PRH1: variants seen among roughly 807,000 people sequenced by gnomAD.
The protein encoded by PRH1 is salivary acidic proline-rich phosphoprotein 1/2.
In PRH1, 7 loss-of-function variants were observed where a neutral mutation model predicts 7.9. The observed-to-expected ratio is 0.89, with a 90% confidence interval of 0.50 to 1.67. PRH1 has a LOEUF of 1.67. PRH1 is among the 40% of genes most tolerant of loss of function. The probability of loss-of-function intolerance (pLI) is 0.00; values close to 1 mark genes in which losing one functional copy is unlikely to be tolerated. For synonymous variants in PRH1, 45 were observed against 80.8 expected (o/e 0.56, Z 2.38); for missense variants, 109 against 223.6 (o/e 0.49, Z 3.27).
chr12:11,059,984 C>A (rs1048421435), intron 1 of PRH1, among the ~76,000 whole-genome samples: 25 of 151,724 alleles, frequency 1.6e-4, no homozygotes, highest in African/African-American at 5.3e-4. Flanking sequence ...ATCTTACATT[C>A]AACAGAAAGC....
At chr12:10,997,858 G>T in intron 1 of PRH1, 2 of 1,600,524 alleles carry the variant, frequency 1.2e-6, no homozygotes, top group Non-Finnish European at 1.7e-6. Flanking sequence ...AAAAAACAAT[G>T]TGTAGAAAAC....
chr12:11,103,644 A>T (rs1471616051), intron 1 of PRH1, among the ~76,000 whole-genome samples: 1 of 152,158 alleles, frequency 6.6e-6, no homozygotes, highest in Non-Finnish European at 1.5e-5. Flanking sequence ...ATATGTAACA[A>T]ACCTGCACAT....
chr12:11,075,381 CTT>C (rs201938175), intron 1 of PRH1, among the ~76,000 whole-genome samples: 2,388 of 104,334 alleles, frequency 0.023, 559 homozygotes, highest in South Asian at 0.038. Context: ...AGTTTGCTAG[CTT>C]TTTTTTTTTT....
chr12:11,101,339 A>C (rs1387105275), intron 1 of PRH1, among the ~76,000 whole-genome samples: 3 of 152,150 alleles, frequency 2.0e-5, no homozygotes, highest in East Asian at 1.9e-4. Flanking sequence ...AAATAGAAAA[A>C]ATTAGCAGGG....
At chr12:11,061,583 A>G (rs377226761) in intron 1 of PRH1, 1,120 of 1,575,572 alleles carry the variant, frequency 7.1e-4, no homozygotes, top group African/African-American at 4.0e-3. Context: ...TAAATGGCAC[A>G]TAACAAGAGG....
intron 1 of PRH1, among the ~76,000 whole-genome samples, chr12:11,102,347 A>G (rs1173515199): frequency 6.6e-6 from 1 of 152,192 alleles, no homozygotes; most frequent in Non-Finnish European, 1.5e-5. Flanking sequence ...AAACAGAGAT[A>G]TAGACCAATG....
chr12:10,886,813 C>T (rs960026297), upstream of PRH1, among the ~76,000 whole-genome samples: 5 of 152,138 alleles, frequency 3.3e-5, no homozygotes, highest in African/African-American at 7.2e-5. Context: ...ATGCATTAGC[C>T]GATCTAATTG....
chr12:10,903,203 A>C (rs1239870598), intron 2 of PRH1, among the ~76,000 whole-genome samples: 1 of 150,746 alleles, frequency 6.6e-6, no homozygotes, highest in African/African-American at 2.5e-5. Context: ...AGAAAGAATC[A>C]CTATTCCTAT....
chr12:11,028,318 T>C (rs1308554449), intron 1 of PRH1, among the ~76,000 whole-genome samples: 1 of 152,230 alleles, frequency 6.6e-6, no homozygotes, highest in Non-Finnish European at 1.5e-5. Flanking sequence ...TAATGCCAGC[T>C]GTGGTTTCCC....
chr12:11,049,608 T>C (rs1321335244), upstream of PRH1, among the ~76,000 whole-genome samples: 1 of 152,206 alleles, frequency 6.6e-6, no homozygotes, highest in African/African-American at 2.4e-5. Flanking sequence ...TTTTAATTGT[T>C]TTGCAATTGT....
chr12:11,065,844 A>T (rs1943785325), intron 1 of PRH1, among the ~76,000 whole-genome samples: 2 of 152,204 alleles, frequency 1.3e-5, no homozygotes, highest in South Asian at 2.1e-4. Flanking sequence ...AAGAAACTGG[A>T]AATTGATTTG....
chr12:10,882,761 C>T (rs1949426783), intron 2 of PRH1, 63 bp from the exon 3 acceptor site: 1 of 1,595,494 alleles, frequency 6.3e-7, no homozygotes, highest in Admixed American at 1.7e-5. Context: ...CTTCATACCT[C>T]TCTGTCTTCA....
intron 1 of PRH1, among the ~76,000 whole-genome samples, chr12:11,146,341 GGCAATATTT>G (rs1343871832): frequency 9.2e-5 from 14 of 151,828 alleles, no homozygotes; most frequent in Non-Finnish European, 2.1e-4. Flanking sequence ...GAAAAAAAAT[GGCAATATTT>G]GCCTTAACAT....
At chr12:11,058,937 C>G (rs918752413) in intron 1 of PRH1, among the ~76,000 whole-genome samples, 1 of 152,180 alleles carries the variant, frequency 6.6e-6, no homozygotes, top group Non-Finnish European at 1.5e-5. Context: ...CCTTCACTAT[C>G]TCCTATTCCC....
At chr12:10,939,921 C>T (rs907555685) in intron 2 of PRH1, among the ~76,000 whole-genome samples, 16 of 152,130 alleles carry the variant, frequency 1.1e-4, no homozygotes, top group Non-Finnish European at 1.9e-4. Flanking sequence ...TAATTAGTTT[C>T]ATTTAATTAT....
rs555809722 is a variant in PRH1 at position 11,063,853 on chromosome 12, T to C, written n.124-16665A>G. ...TGCAACTAAATAAGAAAGTGCTCAC[T>C]TCAACTCCCTTAGAGTTGTATAACA... On this transcript the variant is annotated intron_variant and non_coding_transcript_variant, in intron 1 of 4. Coordinates refer to the PRH1 transcript ENST00000541977. 2.6e-4 allele frequency among the ~76,000 whole-genome samples: 40 copies of C among 152,246 alleles called. No homozygotes were observed. The East Asian group carries it at 7.5e-3, about 29-fold the overall frequency.
At chr12:10,952,995 G>C (rs114435425) in intron 2 of PRH1, among the ~76,000 whole-genome samples, 1 of 151,928 alleles carries the variant, frequency 6.6e-6, no homozygotes, top group Non-Finnish European at 1.5e-5. Flanking sequence ...AACAAAGTCC[G>C]GTGTCCAAAA....
chr12:10,985,948 T>C (rs1939594298), intron 1 of PRH1: 12 of 1,591,454 alleles, frequency 7.5e-6, no homozygotes, highest in African/African-American at 1.3e-5. Flanking sequence ...GTTGAGAGTT[T>C]CAGGTCTTTT....
chr12:10,910,088 C>G (rs1949873832), intron 2 of PRH1, among the ~76,000 whole-genome samples: 1 of 152,128 alleles, frequency 6.6e-6, no homozygotes, highest in South Asian at 2.1e-4. Flanking sequence ...TATATTACAT[C>G]ATAACTTGCA....
Sources: gnomAD v4.1 joint callset for allele counts (sites outside exome capture counted in the v4.1 genomes callset) on GRCh38, gnomAD v4.1.1 for gene constraint, MANE v1.5 for transcripts, NCBI Gene and HGNC (gene_info 2026-07-23, HGNC 2026-07-21) for gene names.